XRCC1: variants seen among roughly 807,000 people sequenced by gnomAD.
XRCC1 encodes the protein DNA repair protein XRCC1.
Under a neutral mutation model 83.3 loss-of-function variants are expected in XRCC1, and 52 were observed. That is an observed-to-expected ratio of 0.62 (90% CI 0.50 to 0.79). The LOEUF is 0.79. Among genes scored for constraint, XRCC1 ranks in the 30% least tolerant of loss-of-function variants. The probability of loss-of-function intolerance (pLI) is 0.00; values close to 1 mark genes in which losing one functional copy is unlikely to be tolerated. For missense variants in XRCC1, 793 were observed against 823.5 expected, an observed-to-expected ratio of 0.96 and a Z score of 0.45; for synonymous variants, 281 against 312.6, an observed-to-expected ratio of 0.90 and a Z score of 1.07.
chr19:43,563,188 T>C (rs899640175), intron 2 of XRCC1, among the ~76,000 whole-genome samples: 1 of 152,060 alleles, frequency 6.6e-6, no homozygotes, highest in African/African-American at 2.4e-5. Context: ...CCTGGGCTCA[T>C]GAGATGTCCC....
chr19:43,544,205 A>G lies in XRCC1; in HGVS notation c.1651T>C (p.Tyr551His), dbSNP rs776763666. Residue 551 changes from tyrosine to histidine, a missense_variant, in exon 15 of 17, where the codon TAC becomes CAC. Coordinates refer to ENST00000262887, the MANE Select transcript of XRCC1 (RefSeq NM_006297.3). ...DFFQGKHFFL[Y>H]GEFPGDERRK... The stretch of plus-strand genomic sequence containing the variant: ...CGCTCGTCCCCAGGGAACTCCCCGT[A>G]AAGAAAGAAGTGCTTGCCCTGGAAG... 2.5e-6 allele frequency: 4 copies of G among 1,610,974 alleles called. No homozygotes were observed. Among genetic ancestry groups the G allele is most frequent in the East Asian group, 2.2e-5 (1 of 44,854 alleles).
chr19:43,561,244 C>T (rs978395533), intron 2 of XRCC1, among the ~76,000 whole-genome samples: 3 of 152,194 alleles, frequency 2.0e-5, no homozygotes, highest in African/African-American at 4.8e-5. Flanking sequence ...TACGCGCCCA[C>T]CTCACACATA....
Position 43,568,756 on chromosome 19 carries a change from G to C in XRCC1, c.144+6154C>G, listed in dbSNP as rs112591715. 5.5e-3 allele frequency among the ~76,000 whole-genome samples: 823 copies of C among 149,714 alleles called. 9 individuals are homozygous for C. The highest frequency in any genetic ancestry group is 0.019 in the African/African-American group (753 of 39,512). On this transcript the variant is annotated intron_variant, in intron 2 of 16. Coordinates refer to ENST00000262887, the MANE Select transcript of XRCC1 (RefSeq NM_006297.3). ...GAGAAGAATGAGGGAGCAGGAGTTGGGGAGGGAGCAGGAGTTGGGGAGGGA... is the reference window on the plus strand; with the variant it reads ...GAGAAGAATGAGGGAGCAGGAGTTGCGGAGGGAGCAGGAGTTGGGGAGGGA...
At chr19:43,545,979 G>C (rs898927178) in intron 13 of XRCC1, 22 bp from the exon 14 acceptor site, 31 of 1,613,660 alleles carry the variant, frequency 1.9e-5, no homozygotes, top group Admixed American at 3.3e-5. Flanking sequence ...AAGAGGAGTA[G>C]AGAGTGAGCA....
intron 2 of XRCC1, among the ~76,000 whole-genome samples, chr19:43,572,927 CTTTTTT>C (rs1015971628): frequency 1.1e-5 from 1 of 91,150 alleles, no homozygotes; most frequent in Non-Finnish European, 2.1e-5. Flanking sequence ...GAGATCTTTT[CTTTTTT>C]TTTTTTTTTT....
Position 43,554,672 on chromosome 19 carries a change from T to C in XRCC1, c.388A>G (p.Ile130Val), listed in dbSNP as rs1308122295. 1 of 1,613,042 alleles carries C rather than the reference T, an allele frequency of 6.2e-7. No homozygotes were observed. The highest frequency in any genetic ancestry group is 1.1e-5 in the South Asian group (1 of 91,018). The change falls in exon 4 of 17, where the codon ATT (isoleucine) becomes GTT (valine). Residue 130 changes from isoleucine to valine, a missense_variant. By Grantham distance (29) the Ile-to-Val change is conservative (BLOSUM62 3). Coordinates refer to ENST00000262887, the MANE Select transcript of XRCC1 (RefSeq NM_006297.3). ...TTGCTGTAGGGCTGGCTGCAAACAATTTTGACCCGGTCCCAGCGCTTCTCG... is the reference window on the plus strand; with the variant it reads ...TTGCTGTAGGGCTGGCTGCAAACAACTTTGACCCGGTCCCAGCGCTTCTCG... ...AAEKRWDRVK[I>V]VCSQPYSKDS...
At chr19:43,546,020 AG>A (rs1334064675) in intron 13 of XRCC1, 31 bp downstream of exon 13, 39 of 1,613,680 alleles carry the variant, frequency 2.4e-5, no homozygotes, top group Non-Finnish European at 3.2e-5. Flanking sequence ...ACCCAAGGCC[AG>A]GGACACCCCA....
chr19:43,555,460 T>C (rs1568514814), intron 3 of XRCC1: 1 of 152,244 alleles, frequency 6.6e-6, no homozygotes, highest in Non-Finnish European at 1.5e-5. Flanking sequence ...CCAGTTAAGC[T>C]TCTGCTGCTG....
intron 3 of XRCC1, 124 bp from the exon 4 acceptor site, chr19:43,554,928 G>T: frequency 9.3e-7 from 1 of 1,076,130 alleles, no homozygotes; most frequent in Non-Finnish European, 1.3e-6. Context: ...AATGTAGCTT[G>T]GGCCTAGATG....
intron 2 of XRCC1, among the ~76,000 whole-genome samples, chr19:43,561,931 C>T (rs763645229): frequency 2.0e-5 from 3 of 152,050 alleles, no homozygotes; most frequent in African/African-American, 4.8e-5. Flanking sequence ...GAGGCCAAGG[C>T]AGTGGACCAC....
intron 3 of XRCC1, among the ~76,000 whole-genome samples, chr19:43,556,094 C>T (rs538937476): frequency 6.6e-6 from 1 of 152,204 alleles, no homozygotes; most frequent in African/African-American, 2.4e-5. Context: ...TGCTATGTTG[C>T]CCAGGCTGGT....
chr19:43,548,777 A>AAAAAAAAAAAAC (rs1568512416), intron 10 of XRCC1, among the ~76,000 whole-genome samples: 5 of 128,748 alleles, frequency 3.9e-5, no homozygotes, highest in Non-Finnish European at 8.4e-5. Context: ...AAAAAAAAAA[A>AAAAAAAAAAAAC]AAAAAAAAAC....
rs1017298656 is a variant in XRCC1 at position 43,573,115 on chromosome 19, G to A, written c.144+1795C>T. ...GCCCAGCTATTTTTTATAATTTTTC[G>A]TAGAGATAGGGTTTCCCCATGTTAC... On this transcript the variant is annotated intron_variant, in intron 2 of 16. Transcript: ENST00000262887. Among the ~76,000 whole-genome samples the A allele has an allele frequency of 4.6e-5, 7 of 151,598 alleles. No individual in the cohort carries two copies. In the South Asian group the frequency reaches 6.2e-4, roughly 14 times the overall value.
chr19:43,549,702 A>G (rs1972556658), intron 10 of XRCC1, among the ~76,000 whole-genome samples: 1 of 152,042 alleles, frequency 6.6e-6, no homozygotes, highest in Admixed American at 6.6e-5. Flanking sequence ...GACTACAGGT[A>G]TGTGCCACCA....
intron 2 of XRCC1, among the ~76,000 whole-genome samples, chr19:43,562,104 CCACTG>C (rs1972705045): frequency 6.7e-6 from 1 of 150,254 alleles, no homozygotes; most frequent in African/African-American, 2.5e-5. Flanking sequence ...AGAGATCATG[CCACTG>C]CACTCCAGCC....
intron 3 of XRCC1, among the ~76,000 whole-genome samples, chr19:43,558,509 C>T (rs1972662389): frequency 6.6e-6 from 1 of 151,238 alleles, no homozygotes; most frequent in Non-Finnish European, 1.5e-5. Flanking sequence ...ATGATGGCTC[C>T]CACTAGCTAC....
At chr19:43,567,846 C>T (rs1413654755) in intron 2 of XRCC1, among the ~76,000 whole-genome samples, 1 of 150,344 alleles carries the variant, frequency 6.7e-6, no homozygotes, top group African/African-American at 2.4e-5. Context: ...TGCTAAAAAA[C>T]TGTTTCACAT....
intron 2 of XRCC1, chr19:43,574,699 C>A: frequency 1.8e-6 from 1 of 569,684 alleles, no homozygotes; most frequent in Non-Finnish European, 3.2e-6. Context: ...CAGGACCACA[C>A]ACTGATTCCT....
chr19:43,565,583 T>G (rs1264883317), intron 2 of XRCC1, among the ~76,000 whole-genome samples: 4 of 152,224 alleles, frequency 2.6e-5, no homozygotes, highest in Non-Finnish European at 5.9e-5. Context: ...CAATTCCTAC[T>G]GCATATATAA....
Sources: gnomAD v4.1 joint callset for allele counts (sites outside exome capture counted in the v4.1 genomes callset) on GRCh38, gnomAD v4.1.1 for gene constraint, MANE v1.5 for transcripts, NCBI Gene and HGNC (gene_info 2026-07-23, HGNC 2026-07-21) for gene names.